The following CNKSR3 variants were observed in gnomAD, a reference collection of about 807,000 sequenced individuals.
CNKSR3 encodes the protein CNKSR family member 3, also known as connector enhancer of kinase suppressor of ras 3.
A neutral mutation model predicts 67.7 loss-of-function variants in CNKSR3; 36 were observed. The observed-to-expected ratio is 0.53, with a 90% confidence interval of 0.41 to 0.70. The LOEUF (loss-of-function observed/expected upper bound fraction) is 0.70. CNKSR3 is among the 30% of genes least tolerant of loss of function. The probability of loss-of-function intolerance (pLI) is 0.00; values close to 1 mark genes in which losing one functional copy is unlikely to be tolerated. For missense variants in CNKSR3, 630 were observed against 695.2 expected (o/e 0.91, Z 1.05); for synonymous variants, 281 against 271.4 (o/e 1.04, Z -0.35).
At chr6:154,440,695 G>A (rs909731003) in intron 4 of CNKSR3, among the ~76,000 whole-genome samples, 1 of 152,186 alleles carries the variant, frequency 6.6e-6, no homozygotes. Flanking sequence ...CTGCCTTGGG[G>A]AAAGGCAACA....
At chr6:154,507,471 G>A (rs1787124197) in intron 1 of CNKSR3, among the ~76,000 whole-genome samples, 1 of 152,188 alleles carries the variant, frequency 6.6e-6, no homozygotes, top group Admixed American at 6.5e-5. Context: ...AAAGAGATTA[G>A]CAAAGAGCAC....
chr6:154,454,020 T>C (rs1256411242), intron 1 of CNKSR3, among the ~76,000 whole-genome samples: 1 of 150,518 alleles, frequency 6.6e-6, no homozygotes, highest in Non-Finnish European at 1.5e-5. Flanking sequence ...CCTACTCTAC[T>C]GTCATGAAAT....
chr6:154,428,299 A>C, intron 6 of CNKSR3, 112 bp from the exon 7 acceptor site: 127 of 700,294 alleles, frequency 1.8e-4, no homozygotes, highest in East Asian at 4.1e-4. Flanking sequence ...AACAATACTC[A>C]TTTTTCAGCC....
chr6:154,457,615 A>T (rs933597775), intron 1 of CNKSR3, among the ~76,000 whole-genome samples: 2 of 152,124 alleles, frequency 1.3e-5, no homozygotes, highest in Non-Finnish European at 2.9e-5. Flanking sequence ...CGTTCTCTGC[A>T]TTCTGTTCTG....
chr6:154,490,672 C>T (rs1342601101), intron 1 of CNKSR3, among the ~76,000 whole-genome samples: 1 of 152,140 alleles, frequency 6.6e-6, no homozygotes, highest in African/African-American at 2.4e-5. Context: ...CCCGACTCTC[C>T]AGCCTCATCT....
chr6:154,488,441 G>A (rs930155985), intron 1 of CNKSR3, among the ~76,000 whole-genome samples: 1 of 152,030 alleles, frequency 6.6e-6, no homozygotes, highest in Non-Finnish European at 1.5e-5. Context: ...TAATTCATGA[G>A]AGCATGACTT....
chr6:154,453,904 A>G (rs1309996223), intron 1 of CNKSR3, among the ~76,000 whole-genome samples: 1 of 152,204 alleles, frequency 6.6e-6, no homozygotes, highest in Non-Finnish European at 1.5e-5. Flanking sequence ...CACACAATTC[A>G]GTAAAATTAG....
chr6:154,507,296 G>A (rs1008619017), intron 1 of CNKSR3, among the ~76,000 whole-genome samples: 1 of 152,184 alleles, frequency 6.6e-6, no homozygotes, highest in African/African-American at 2.4e-5. Context: ...TAACAAGGAG[G>A]TGAGATCCAG....
chr6:154,483,190 C>T (rs143642015), intron 1 of CNKSR3, among the ~76,000 whole-genome samples: 2 of 152,344 alleles, frequency 1.3e-5, no homozygotes, highest in African/African-American at 4.8e-5. Context: ...CCTGATCACA[C>T]CTAGGCCACT....
At chr6:154,437,632 T>C (rs756993628) in intron 4 of CNKSR3, among the ~76,000 whole-genome samples, 3 of 151,978 alleles carry the variant, frequency 2.0e-5, no homozygotes, top group Non-Finnish European at 2.9e-5. Context: ...GCCAGACTAG[T>C]CTCGAACTCC....
chr6:154,423,881 T>C (rs551586091), intron 7 of CNKSR3, among the ~76,000 whole-genome samples: 6 of 152,146 alleles, frequency 3.9e-5, no homozygotes, highest in Non-Finnish European at 7.4e-5. Context: ...AAATCCAGAC[T>C]TTTTTTCCTT....
At chr6:154,427,242 T>C (rs1283267224) in intron 7 of CNKSR3, among the ~76,000 whole-genome samples, 1 of 152,222 alleles carries the variant, frequency 6.6e-6, no homozygotes, top group Admixed American at 6.5e-5. Flanking sequence ...GATCATGCCA[T>C]TTTCCTTTAT....
At chr6:154,416,237 G>A (rs1451388446) in intron 9 of CNKSR3, among the ~76,000 whole-genome samples, 1 of 152,210 alleles carries the variant, frequency 6.6e-6, no homozygotes, top group Non-Finnish European at 1.5e-5. Context: ...GGACTGACTA[G>A]CCAGTGTGAC....
intron 6 of CNKSR3, 63 bp downstream of exon 6, chr6:154,430,409 T>A (rs41292914): frequency 0.012 from 18,081 of 1,485,362 alleles, 393 homozygotes; most frequent in African/African-American, 0.087. Flanking sequence ...GGAATTTTTT[T>A]AAAAATTTAG....
At chr6:154,494,323 A>G (rs1786837211) in intron 1 of CNKSR3, among the ~76,000 whole-genome samples, 7 of 152,142 alleles carry the variant, frequency 4.6e-5, no homozygotes, top group Admixed American at 4.6e-4. Context: ...AGAATAGCAT[A>G]GGGGAAACTG....
At chr6:154,428,298 C>A in intron 6 of CNKSR3, 111 bp from the exon 7 acceptor site, 1 of 705,624 alleles carries the variant, frequency 1.4e-6, no homozygotes. Context: ...GAACAATACT[C>A]ATTTTTCAGC....
rs150899731 is a variant in CNKSR3, at chr6:154,411,789, G to C, written c.1071-647C>G. 4.6e-3 allele frequency among the ~76,000 whole-genome samples: 707 copies of C among 152,164 alleles called. 5 individuals carry two copies. The highest frequency in any genetic ancestry group is 0.016 in the African/African-American group (666 of 41,516). On this transcript the variant is annotated intron_variant, in intron 10 of 12. Transcript: ENST00000607772. ...CAATCACACATTAAGGTATGCTCTA[G>C]CGAACCACGTTGCTCATGCCAAGAG...
At chr6:154,421,408 C>T (rs980429409) in intron 9 of CNKSR3, among the ~76,000 whole-genome samples, 3 of 152,218 alleles carry the variant, frequency 2.0e-5, no homozygotes, top group Non-Finnish European at 4.4e-5. Context: ...TTTAAGACTA[C>T]TGTTCTTCCA....
intron 1 of CNKSR3, among the ~76,000 whole-genome samples, chr6:154,476,743 T>C (rs1786460839): frequency 1.3e-5 from 2 of 152,220 alleles, no homozygotes; most frequent in African/African-American, 4.8e-5. Flanking sequence ...AATTCATTCT[T>C]TCATAAGCAA....
Sources: allele counts gnomAD v4.1 joint callset (sites outside exome capture counted in the v4.1 genomes callset), GRCh38; gene constraint gnomAD v4.1.1; transcripts MANE v1.5; gene names NCBI Gene and HGNC (gene_info 2026-07-23, HGNC 2026-07-21).